Variants in PAX8 observed in about 807,000 individuals in gnomAD.
PAX8 encodes paired box 8, also known as paired box protein Pax-8.
A neutral mutation model predicts 52.4 loss-of-function variants in PAX8; 15 were observed. The ratio of observed to expected loss-of-function variants is 0.29; its 90% CI spans 0.19 to 0.44. The LOEUF (loss-of-function observed/expected upper bound fraction) is 0.44. PAX8 is among the 20% of genes least tolerant of loss of function. PAX8 has a pLI of 1.00. For synonymous variants in PAX8, 284 were observed against 249.7 expected (o/e 1.14, Z -1.29); for missense variants, 554 against 602.5 (o/e 0.92, Z 0.84).
intron 2 of PAX8, among the ~76,000 whole-genome samples, chr2:113,264,014 GTA>G (rs1051057653): frequency 1.3e-5 from 2 of 152,222 alleles, no homozygotes; most frequent in African/African-American, 4.8e-5. Flanking sequence ...GAAGCACTTA[GTA>G]TATGTCTACT....
chr2:113,236,992 A>T (rs1486896175), intron 7 of PAX8: 2 of 496,674 alleles, frequency 4.0e-6, no homozygotes, highest in African/African-American at 3.9e-5. Context: ...CCCTGGTTGG[A>T]TGGCTGGTCG....
At chr2:113,249,983 G>C (rs1305842925) in intron 2 of PAX8, among the ~76,000 whole-genome samples, 1 of 152,072 alleles carries the variant, frequency 6.6e-6, no homozygotes, top group African/African-American at 2.4e-5. Context: ...AAGAAGATAG[G>C]GGGGCTGGGT....
At chr2:113,233,768 G>A (rs1266103890) in intron 9 of PAX8, among the ~76,000 whole-genome samples, 2 of 152,052 alleles carry the variant, frequency 1.3e-5, no homozygotes, top group East Asian at 3.8e-4. Flanking sequence ...TTAATCCTCT[G>A]GTGCAGTGGT....
rs57721277 is a variant in PAX8, at chr2:113,229,199, C to G, written c.1088-1943G>C. ...AATCAGAGGGCCTGGAGTCCTTATA[C>G]TGCTTCTGTGGCTAGTTTTCTGAGT... is the stretch of plus-strand genomic sequence containing the variant. On this transcript the variant is annotated intron_variant, in intron 9 of 11. Transcript: ENST00000429538. Among the ~76,000 whole-genome samples the G allele has an allele frequency of 1.3e-3, 204 of 152,306 alleles. 1 individual carries two copies. The highest frequency in any genetic ancestry group is 4.8e-3 in the African/African-American group (200 of 41,556).
intron 2 of PAX8, chr2:113,276,317 T>G (rs1693812608): frequency 6.6e-6 from 1 of 152,224 alleles, no homozygotes; most frequent in Non-Finnish European, 1.5e-5. Context: ...TAGGCCATTT[T>G]CTTGTTTTAT....
intron 2 of PAX8, among the ~76,000 whole-genome samples, chr2:113,255,030 A>AGAAG (rs1159781876): frequency 4.7e-5 from 7 of 149,266 alleles, no homozygotes; most frequent in East Asian, 4.0e-4. Context: ...AAAGAAGGGA[A>AGAAG]GAAGGAAGGA....
intron 2 of PAX8, chr2:113,269,964 AT>A (rs1229382276): frequency 6.6e-6 from 1 of 152,170 alleles, no homozygotes; most frequent in Non-Finnish European, 1.5e-5. Context: ...TGTTTTCCCT[AT>A]GACTGGGTTT....
intron 9 of PAX8, among the ~76,000 whole-genome samples, chr2:113,228,587 A>G (rs1269608215): frequency 6.6e-6 from 1 of 152,228 alleles, no homozygotes; most frequent in Non-Finnish European, 1.5e-5. Flanking sequence ...ACATTGCCAT[A>G]TGTCCTCAGC....
chr2:113,250,953 A>G (rs1395177741), intron 2 of PAX8: 1 of 152,172 alleles, frequency 6.6e-6, no homozygotes, highest in East Asian at 1.9e-4. Flanking sequence ...TGCAAGGAAG[A>G]GTATCTAGGA....
chr2:113,255,535 G>A (rs139589533), intron 2 of PAX8: 37 of 152,558 alleles, frequency 2.4e-4, no homozygotes, highest in African/African-American at 7.5e-4. Flanking sequence ...GATCTTCAAC[G>A]TCAACATTAA....
At chr2:113,249,151 A>G (rs958670190) in intron 2 of PAX8, among the ~76,000 whole-genome samples, 5 of 152,190 alleles carry the variant, frequency 3.3e-5, no homozygotes, top group Non-Finnish European at 7.3e-5. Context: ...CTTCCTAGTG[A>G]CTGCTTCTCC....
At chr2:113,247,141 G>GT (rs1691392908) in intron 2 of PAX8, among the ~76,000 whole-genome samples, 2 of 152,244 alleles carry the variant, frequency 1.3e-5, no homozygotes, top group African/African-American at 4.8e-5. Flanking sequence ...ATGGGATGGT[G>GT]TCACAGGAGC....
intron 1 of PAX8, 31 bp downstream of exon 1, chr2:113,278,800 C>T: frequency 9.8e-7 from 1 of 1,015,910 alleles, no homozygotes; most frequent in Non-Finnish European, 1.2e-6. Context: ...TCACTGCTAG[C>T]CAGCTTCCAG....
In PAX8 at chr2:113,227,290, C is replaced by T. The variant is rs765012301; in HGVS notation, c.1088-34G>A. ...ATACAGCAAAGAGTCGTCAGTTGGA[C>T]CATGGGGGCTCCCATATGTATCATC... is the stretch of plus-strand genomic sequence containing the variant. On this transcript the variant is annotated intron_variant, in intron 9 of 11. Transcript: ENST00000429538. 31 of 1,517,820 alleles carry T rather than the reference C, an allele frequency of 2.0e-5. No homozygotes were observed. In the South Asian group the frequency reaches 3.6e-4, roughly 18 times the overall value. 94.0% of individuals were successfully genotyped at this position (1,517,820 alleles called of 1,614,324 possible). A position where few individuals can be genotyped will look rare whatever the true frequency, so the allele number is the denominator to read the frequency against.
chr2:113,257,779 A>T (rs1410553276), intron 2 of PAX8, among the ~76,000 whole-genome samples: 7 of 152,224 alleles, frequency 4.6e-5, no homozygotes, highest in Non-Finnish European at 7.3e-5. Flanking sequence ...CCTAAGAATA[A>T]TAATCATAGC....
At chr2:113,272,500 A>C (rs2104604534) in intron 2 of PAX8, 1 of 152,328 alleles carries the variant, frequency 6.6e-6, no homozygotes, top group Non-Finnish European at 1.5e-5. Context: ...TAGATAAACA[A>C]AGACGAGTGG....
In PAX8 at chr2:113,216,550, C is replaced by T. The variant is rs1213840368; in HGVS notation, c.*1983G>A. The stretch of plus-strand genomic sequence containing the variant: ...AGGTCCATGTGGACACCAGACAGCC[C>T]CCTGGAGTGCAGAGCCCGAGCTGTC... On this transcript the variant is annotated 3_prime_UTR_variant, in exon 12 of 12. Coordinates refer to ENST00000429538, the MANE Select transcript of PAX8 (RefSeq NM_003466.4). 1 of 230,024 alleles carries T rather than the reference C, an allele frequency of 4.3e-6. No homozygotes were observed. Among genetic ancestry groups the T allele is most frequent in the African/African-American group, 2.2e-5 (1 of 45,152 alleles). 14.2% of individuals were successfully genotyped at this position (230,024 alleles called of 1,614,324 possible).
chr2:113,235,655 C>G (rs1232067118), intron 8 of PAX8, 73 bp from the exon 9 acceptor site: 5 of 1,325,062 alleles, frequency 3.8e-6, no homozygotes, highest in Non-Finnish European at 5.3e-6. Flanking sequence ...CAAGCCAAGC[C>G]GTGGGATGTG....
chr2:113,276,584 GT>G (rs1436303557), intron 2 of PAX8: 2 of 151,688 alleles, frequency 1.3e-5, no homozygotes, highest in South Asian at 2.1e-4. Context: ...AAAATAAATT[GT>G]GCCTTTATTT....
Sources: gnomAD v4.1 joint callset for allele counts (sites outside exome capture counted in the v4.1 genomes callset) on GRCh38, gnomAD v4.1.1 for gene constraint, MANE v1.5 for transcripts, NCBI Gene and HGNC (gene_info 2026-07-23, HGNC 2026-07-21) for gene names.